Variants in LYRM4 observed in about 807,000 individuals in gnomAD.
The protein encoded by LYRM4 is LYR motif containing 4.
In LYRM4, 9 loss-of-function variants were observed where a neutral mutation model predicts 11.7. That is an observed-to-expected ratio of 0.77 (90% CI 0.46 to 1.34). The LOEUF (loss-of-function observed/expected upper bound fraction) is 1.34. Ranked by LOEUF, LYRM4 falls within the 40% of genes most tolerant of loss-of-function variation. The pLI, the probability that LYRM4 is intolerant of heterozygous loss-of-function variation, is 0.00. For missense variants in LYRM4, 133 were observed against 112.5 expected, an observed-to-expected ratio of 1.18 and a Z score of -0.82; for synonymous variants, 42 against 40.4, an observed-to-expected ratio of 1.04 and a Z score of -0.15.
rs947673444 is a variant in LYRM4, at chr6:5,260,863, C to G, written c.-130G>C. ...CTGCGGCTCGGCTTTGCCAGCGGGC[C>G]GGGCCTAAGCCTAAGCGGGCAGCCC... On this transcript the variant is annotated 5_prime_UTR_variant, in exon 1 of 3. Coordinates refer to ENST00000330636, the MANE Select transcript of LYRM4 (RefSeq NM_020408.6). The G allele has an allele frequency of 2.0e-6, 3 of 1,481,292 alleles. No individual in the cohort carries two copies. The highest frequency in any genetic ancestry group is 4.5e-5 in the Admixed American group (2 of 44,924). The allele number at this position is 1,481,292 out of a possible 1,614,324, so 91.8% of individuals were successfully genotyped here.
chr6:5,091,305 G>C, the LYRM4 span, among the ~76,000 whole-genome samples: 1 of 152,174 alleles, frequency 6.6e-6, no homozygotes, highest in African/African-American at 2.4e-5. Flanking sequence ...TAAGTGGGCA[G>C]GTGCTTGGAA....
chr6:5,179,065 C>CAAAAAAAAAAAAAAAAAAAAAAA (rs58749743), intron 2 of LYRM4, among the ~76,000 whole-genome samples: 65 of 103,868 alleles, frequency 6.3e-4, no homozygotes, highest in African/African-American at 8.8e-4. Context: ...ACCAAAAAAA[C>CAAAAAAAAAAAAAAAAAAAAAAA]AAAAAAAAAA....
intron 2 of LYRM4, among the ~76,000 whole-genome samples, chr6:5,114,495 G>A (rs548287273): frequency 3.9e-5 from 6 of 152,300 alleles, no homozygotes; most frequent in East Asian, 1.9e-4. Context: ...GCAGAGAAGG[G>A]GGTGATCTGT....
rs1760137583 is a variant in LYRM4, at chr6:5,182,535, A to G, written c.207+34083T>C. Among the ~76,000 whole-genome samples, 3 of 152,256 alleles carry G rather than the reference A, an allele frequency of 2.0e-5. No homozygotes were observed. In the South Asian group the frequency reaches 6.2e-4, roughly 31 times the overall value. On this transcript the variant is annotated intron_variant, in intron 2 of 2. Transcript: ENST00000330636. ...TGATCATTCAACTGAGAATAAACTT[A>G]TACATGGTCATAAGCCCTCTAGATA...
intron 2 of LYRM4, among the ~76,000 whole-genome samples, chr6:5,203,417 G>A (rs906987912): frequency 1.2e-4 from 18 of 152,150 alleles, no homozygotes; most frequent in African/African-American, 4.1e-4. Flanking sequence ...TTCTGAATTT[G>A]AGAACACCTT....
chr6:5,252,894 T>C (rs867353055), intron 1 of LYRM4, among the ~76,000 whole-genome samples: 1 of 152,106 alleles, frequency 6.6e-6, no homozygotes, highest in Admixed American at 6.5e-5. Context: ...GGCAGCTACA[T>C]ACCTCTAGAC....
At chr6:5,063,875 A>C in the LYRM4 span, among the ~76,000 whole-genome samples, 2 of 152,164 alleles carry the variant, frequency 1.3e-5, no homozygotes. Flanking sequence ...CTGCCCCAGA[A>C]AGTGGCATGC....
the LYRM4 span, among the ~76,000 whole-genome samples, chr6:5,050,062 CAAG>C: frequency 3.9e-5 from 6 of 152,266 alleles, no homozygotes; most frequent in South Asian, 1.2e-3. Flanking sequence ...GTTCGACATT[CAAG>C]AAGATGGCAG....
the LYRM4 span, chr6:5,066,991 C>G: frequency 8.1e-6 from 7 of 862,202 alleles, no homozygotes; most frequent in African/African-American, 8.7e-5. Flanking sequence ...ATGTCTTTGT[C>G]TCTCAGGCCC....
intron 2 of LYRM4, among the ~76,000 whole-genome samples, chr6:5,197,867 A>G (rs974122467): frequency 6.6e-6 from 1 of 151,746 alleles, no homozygotes; most frequent in African/African-American, 2.4e-5. Context: ...AAGGTAAATT[A>G]GTTTAAGAGA....
intron 1 of LYRM4, among the ~76,000 whole-genome samples, chr6:5,231,175 C>T (rs1398808976): frequency 2.0e-5 from 3 of 152,060 alleles, no homozygotes; most frequent in South Asian, 4.2e-4. Context: ...TACTGCACTC[C>T]GGTCTGGGCG....
intron 1 of LYRM4, among the ~76,000 whole-genome samples, chr6:5,229,639 C>T (rs1027688086): frequency 6.6e-6 from 1 of 152,068 alleles, no homozygotes; most frequent in Non-Finnish European, 1.5e-5. Flanking sequence ...TAAAAACAGT[C>T]AGAGAAATTA....
chr6:5,213,867 T>C (rs1334722923), intron 2 of LYRM4, among the ~76,000 whole-genome samples: 1 of 152,248 alleles, frequency 6.6e-6, no homozygotes, highest in Non-Finnish European at 1.5e-5. Flanking sequence ...ATTTCCTATG[T>C]GCTAGCATTA....
At chr6:5,244,740 G>A (rs938572415) in intron 1 of LYRM4, among the ~76,000 whole-genome samples, 1 of 152,036 alleles carries the variant, frequency 6.6e-6, no homozygotes, top group African/African-American at 2.4e-5. Flanking sequence ...AGATGGGTCA[G>A]TAGTGACAGG....
At chr6:5,160,462 T>C (rs1412388850) in intron 2 of LYRM4, among the ~76,000 whole-genome samples, 1 of 152,110 alleles carries the variant, frequency 6.6e-6, no homozygotes, top group Non-Finnish European at 1.5e-5. Context: ...GTCTTTTCCG[T>C]GCTGTTCTTG....
the LYRM4 span, among the ~76,000 whole-genome samples, chr6:5,057,341 C>G: frequency 6.6e-6 from 1 of 152,230 alleles, no homozygotes; most frequent in East Asian, 1.9e-4. Context: ...CCCTCTCCTC[C>G]CTGCCCACCC....
chr6:5,187,684 C>T (rs1760493418), intron 2 of LYRM4, among the ~76,000 whole-genome samples: 1 of 152,132 alleles, frequency 6.6e-6, no homozygotes, highest in South Asian at 2.1e-4. Context: ...AGCAAACCAA[C>T]ACAGCACATG....
chr6:5,250,138 C>G, intron 1 of LYRM4, among the ~76,000 whole-genome samples: 1 of 152,002 alleles, frequency 6.6e-6, no homozygotes, highest in Middle Eastern at 3.2e-3. Flanking sequence ...TATTCTCTAT[C>G]TTTATTTTCT....
chr6:5,143,245 A>G (rs1757508597), intron 2 of LYRM4, among the ~76,000 whole-genome samples: 1 of 105,896 alleles, frequency 9.4e-6, no homozygotes, highest in Non-Finnish European at 2.0e-5. Context: ...CATTCAGGGT[A>G]CGGTGGCCAA....
Sources: allele counts gnomAD v4.1 joint callset (sites outside exome capture counted in the v4.1 genomes callset), GRCh38; gene constraint gnomAD v4.1.1; transcripts MANE v1.5; gene names NCBI Gene and HGNC (gene_info 2026-07-23, HGNC 2026-07-21).